The following NR2C1 variants were observed in gnomAD, a reference collection of about 807,000 sequenced individuals.
NR2C1 encodes the protein nuclear receptor subfamily 2 group C member 1.
NR2C1 carries 33 observed loss-of-function variants against 74.8 expected under a neutral mutation model. The ratio of observed to expected loss-of-function variants is 0.44; its 90% CI spans 0.33 to 0.59. The LOEUF (loss-of-function observed/expected upper bound fraction) is 0.59, where lower values mean the gene tolerates loss of function less well. Among genes scored for constraint, NR2C1 ranks in the 20% least tolerant of loss-of-function variants. The probability of loss-of-function intolerance (pLI) is 0.02; values close to 1 mark genes in which losing one functional copy is unlikely to be tolerated. For synonymous variants in NR2C1, 225 were observed against 240.6 expected, an observed-to-expected ratio of 0.94 and a Z score of 0.60; for missense variants, 568 against 715.6, an observed-to-expected ratio of 0.79 and a Z score of 2.35.
chr12:95,054,101 T>C (rs2136165788), intron 7 of NR2C1, among the ~76,000 whole-genome samples: 1 of 152,318 alleles, frequency 6.6e-6, no homozygotes. Flanking sequence ...TTTTGTGCCT[T>C]CTCCAAATTA....
In NR2C1 at chr12:95,060,001, A is replaced by C. The variant is rs566242121; in HGVS notation, c.286-17T>G. ...TGTTAGGAGCTAAAAAAAAAAAAAA[A>C]AAAAAAGAAAACAAAAACGAAAACC... On this transcript the variant is annotated splice_polypyrimidine_tract_variant and intron_variant, in intron 3 of 13. Coordinates refer to ENST00000333003, the MANE Select transcript of NR2C1 (RefSeq NM_003297.4). The C allele has an allele frequency of 1.3e-6, 2 of 1,547,950 alleles. No individual in the cohort carries two copies. Among genetic ancestry groups the C allele is most frequent in the African/African-American group, 2.8e-5 (2 of 71,502 alleles).
At chr12:95,057,972 G>T in intron 5 of NR2C1, 94 bp from the exon 6 acceptor site, 1 of 1,030,616 alleles carries the variant, frequency 9.7e-7, no homozygotes, top group Non-Finnish European at 1.4e-6. Context: ...GCTAATAGGA[G>T]ACATGGCTAC....
chr12:95,037,624 G>A (rs540779506), intron 10 of NR2C1, among the ~76,000 whole-genome samples: 5 of 152,228 alleles, frequency 3.3e-5, no homozygotes, highest in South Asian at 2.1e-4. Flanking sequence ...GGCCGGGCAC[G>A]GTGGCTCACG....
At chr12:95,072,934 C>G (rs567886419) in intron 1 of NR2C1, 20 of 152,352 alleles carry the variant, frequency 1.3e-4, no homozygotes, top group African/African-American at 4.6e-4. Context: ...CGGCCACTAG[C>G]CGAGGGTCGG....
chr12:95,057,502 A>G (rs910617771), intron 7 of NR2C1, 51 bp downstream of exon 7: 3 of 1,348,608 alleles, frequency 2.2e-6, no homozygotes, highest in Non-Finnish European at 3.1e-6. Context: ...TGATTAGAAA[A>G]CATTTTAAAA....
chr12:95,050,931 A>T (rs574975703), intron 8 of NR2C1, among the ~76,000 whole-genome samples: 35 of 152,314 alleles, frequency 2.3e-4, no homozygotes, highest in Middle Eastern at 3.4e-3. Flanking sequence ...AGCAGGATCA[A>T]TATGATTGCC....
At chr12:95,052,027 T>C (rs1332235636) in intron 7 of NR2C1, 84 bp from the exon 8 acceptor site, 1 of 889,200 alleles carries the variant, frequency 1.1e-6, no homozygotes, top group African/African-American at 1.7e-5. Flanking sequence ...GATTATGATA[T>C]GCCAACAAAA....
At chr12:95,073,154 C>A in intron 1 of NR2C1, 1 of 153,516 alleles carries the variant, frequency 6.5e-6, no homozygotes, top group South Asian at 2.0e-4. Context: ...CCGCCCCTGT[C>A]GCCCCCGCCT....
At chr12:95,022,453 G>T in intron 13 of NR2C1, 50 bp from the exon 14 acceptor site, 1 of 1,409,498 alleles carries the variant, frequency 7.1e-7, no homozygotes, top group Non-Finnish European at 9.7e-7. Flanking sequence ...AAACCAGAAA[G>T]AAATTTAGTA....
Position 95,072,152 on chromosome 12 carries a change from G to A in NR2C1, c.-8+1228C>T, listed in dbSNP as rs192478473. Among the ~76,000 whole-genome samples the A allele has an allele frequency of 2.8e-4, 43 of 150,998 alleles. 1 individual carries two copies. In the East Asian group the frequency reaches 8.2e-3, roughly 29 times the overall value. ...TCATCGGCCGGGCGCGGTGGCTCACGCCTGTAATCCCAGTACTTTGGGAGG... is the reference window on the plus strand; with the variant it reads ...TCATCGGCCGGGCGCGGTGGCTCACACCTGTAATCCCAGTACTTTGGGAGG... On this transcript the variant is annotated intron_variant, in intron 1 of 13. Coordinates refer to ENST00000333003, the MANE Select transcript of NR2C1 (RefSeq NM_003297.4).
At chr12:95,046,681 A>G (rs999238790) in intron 9 of NR2C1, among the ~76,000 whole-genome samples, 1 of 152,216 alleles carries the variant, frequency 6.6e-6, no homozygotes, top group African/African-American at 2.4e-5. Context: ...ACTACAGTGT[A>G]CATAGAAATG....
chr12:95,034,120 A>G (rs1870514420), intron 10 of NR2C1, among the ~76,000 whole-genome samples: 1 of 152,228 alleles, frequency 6.6e-6, no homozygotes, highest in Non-Finnish European at 1.5e-5. Flanking sequence ...TTATGACATT[A>G]CATTTTATTA....
At chr12:95,057,680 A>G in intron 6 of NR2C1, 37 bp from the exon 7 acceptor site, 1 of 1,612,750 alleles carries the variant, frequency 6.2e-7, no homozygotes, top group Non-Finnish European at 8.5e-7. Flanking sequence ...CCTGAGTTTC[A>G]TTGGGAAGAA....
chr12:95,059,564 T>C (rs184898319), intron 4 of NR2C1, among the ~76,000 whole-genome samples: 94 of 151,104 alleles, frequency 6.2e-4, no homozygotes, highest in African/African-American at 2.2e-3. Context: ...ATACAAAAAT[T>C]AGCCATGCGT....
Position 95,051,880 on chromosome 12 carries a change from C to T in NR2C1, c.847G>A (p.Gly283Arg). The T allele has an allele frequency of 6.2e-7, 1 of 1,611,536 alleles. No homozygotes were observed. The highest frequency in any genetic ancestry group is 8.5e-7 in the Non-Finnish European group (1 of 1,179,344). Residue 283 changes from glycine (G) to arginine (R), a missense_variant, in exon 8 of 14, where the codon GGA becomes AGA. By Grantham distance (125) the Gly-to-Arg change is moderately radical. Around this residue, in one of 6 missense-constraint regions of NR2C1, gnomAD observed 239 missense variants for 232.3 expected, o/e 1.03. Transcript: ENST00000333003. ...ANVVTSLANL[G>R]KTKDLSQNSN... ...TTTTGAGAAAGATCTTTAGTTTTTCCAAGATTCGCTAATGATGTAACCACA... is the reference window on the plus strand; with the variant it reads ...TTTTGAGAAAGATCTTTAGTTTTTCTAAGATTCGCTAATGATGTAACCACA...
At chr12:95,059,796 T>A in intron 4 of NR2C1, 110 bp downstream of exon 4, 8 of 741,470 alleles carry the variant, frequency 1.1e-5, no homozygotes, top group Non-Finnish European at 1.5e-5. Context: ...TTATTTCTCT[T>A]CTTACTTTTA....
At chr12:95,070,121 TTTTTTTG>T (rs144366572) in intron 1 of NR2C1, among the ~76,000 whole-genome samples, 20,478 of 151,846 alleles carry the variant, frequency 0.13, 1,546 homozygotes, top group Non-Finnish European at 0.18. Context: ...ATTTACAAGT[TTTTTTTG>T]TTTTTTGTTT....
At chr12:95,063,329 AGGGAGGTGT>A (rs1875082593) in intron 2 of NR2C1, among the ~76,000 whole-genome samples, 1 of 152,188 alleles carries the variant, frequency 6.6e-6, no homozygotes, top group South Asian at 2.1e-4. Flanking sequence ...CCAGGGCAGG[AGGGAGGTGT>A]TTGACACATG....
At position 95,057,720 on chromosome 12, in the gene NR2C1, T is replaced by G; in HGVS notation, c.692+11A>C. Reference sequence around the variant, plus strand: ...AAAATGACCAGCTACTCAGTGTCTGTTTTACTTTACCTTGTACTTTCACTA... The same window carrying G: ...AAAATGACCAGCTACTCAGTGTCTGGTTTACTTTACCTTGTACTTTCACTA... On this transcript the variant is annotated intron_variant, in intron 6 of 13. Transcript: ENST00000333003. 6.2e-7 allele frequency: 1 copy of G among 1,613,468 alleles called. No individual in the cohort carries two copies. The highest frequency in any genetic ancestry group is 8.5e-7 in the Non-Finnish European group (1 of 1,179,700).
Sources: gnomAD v4.1 joint callset for allele counts (sites outside exome capture counted in the v4.1 genomes callset) on GRCh38, gnomAD v4.1.1 for gene constraint, gnomAD v4.1.1 regional missense constraint, MANE v1.5 for transcripts, NCBI Gene and HGNC (gene_info 2026-07-23, HGNC 2026-07-21) for gene names.